Variants in TPD52 observed in about 807,000 individuals in gnomAD.
TPD52 encodes tumor protein D52, also known as prostate and colon associated protein.
A neutral mutation model predicts 31.3 loss-of-function variants in TPD52; 17 were observed. The ratio of observed to expected loss-of-function variants is 0.54; its 90% confidence interval spans 0.37 to 0.82. TPD52 has a LOEUF of 0.82. Among genes scored for constraint, TPD52 ranks in the 40% least tolerant of loss-of-function variants. The pLI is 0.00. For missense variants in TPD52, 212 were observed against 240.1 expected (o/e 0.88, Z 0.77); for synonymous variants, 83 against 89.6 (o/e 0.93, Z 0.42).
At chr8:80,032,704 GA>G (rs1399653272), downstream of TPD52, 3 of 152,310 alleles carry the variant, frequency 2.0e-5, no homozygotes, top group African/African-American at 7.2e-5. Flanking sequence ...GGCACTTAAT[GA>G]ATAGTAGCTA....
At chr8:80,075,201 T>A (rs1814389957) in intron 1 of TPD52, among the ~76,000 whole-genome samples, 1 of 151,948 alleles carries the variant, frequency 6.6e-6, no homozygotes, top group African/African-American at 2.4e-5. Flanking sequence ...ATGGTCTCAA[T>A]CTCCTGACCT....
At chr8:80,090,842 A>T (rs764469143) in intron 1 of TPD52, among the ~76,000 whole-genome samples, 2 of 152,192 alleles carry the variant, frequency 1.3e-5, no homozygotes, top group Non-Finnish European at 2.9e-5. Flanking sequence ...TTTTTAAAGA[A>T]ATCGTTTATT....
intron 2 of TPD52, among the ~76,000 whole-genome samples, chr8:80,053,889 C>T (rs1000128862): frequency 5.3e-5 from 8 of 152,140 alleles, no homozygotes; most frequent in African/African-American, 1.9e-4. Flanking sequence ...CACACACAAC[C>T]AAGCCAAACC....
chr8:80,143,851 G>A (rs1810006992), intron 1 of TPD52, among the ~76,000 whole-genome samples: 1 of 152,118 alleles, frequency 6.6e-6, no homozygotes, highest in African/African-American at 2.4e-5. Context: ...CATCAAAGCA[G>A]ACAAATATGC....
chr8:80,057,979 G>A (rs571268000), intron 2 of TPD52, among the ~76,000 whole-genome samples: 2 of 152,176 alleles, frequency 1.3e-5, no homozygotes, highest in African/African-American at 2.4e-5. Context: ...CACCTGCCCC[G>A]TAAGACTGTT....
intron 1 of TPD52, 97 bp downstream of exon 1, chr8:80,171,328 G>A (rs776211784): frequency 2.0e-6 from 3 of 1,517,040 alleles, no homozygotes; most frequent in African/African-American, 2.8e-5. Flanking sequence ...GCACCTGCTC[G>A]AGCCGCCGGG....
chr8:80,044,987 C>G (rs1190056687), intron 5 of TPD52, among the ~76,000 whole-genome samples: 6 of 152,162 alleles, frequency 3.9e-5, no homozygotes, highest in African/African-American at 1.4e-4. Flanking sequence ...GTCCTCAAAT[C>G]TAATTTTGCA....
downstream of TPD52, among the ~76,000 whole-genome samples, chr8:80,033,556 C>T (rs1340927729): frequency 6.6e-6 from 1 of 152,162 alleles, no homozygotes; most frequent in East Asian, 1.9e-4. Flanking sequence ...TTCTCTCCTG[C>T]AGTCTGGGAG....
At chr8:80,058,915 A>G (rs1051501750) in intron 2 of TPD52, among the ~76,000 whole-genome samples, 1 of 152,248 alleles carries the variant, frequency 6.6e-6, no homozygotes, top group Non-Finnish European at 1.5e-5. Context: ...GAGTAGTACA[A>G]ACAGACAGAA....
intron 1 of TPD52, among the ~76,000 whole-genome samples, chr8:80,109,676 G>A (rs1807374131): frequency 6.6e-6 from 1 of 152,164 alleles, no homozygotes; most frequent in Non-Finnish European, 1.5e-5. Context: ...CAAAGTGCTG[G>A]GATGACAGGT....
intron 1 of TPD52, among the ~76,000 whole-genome samples, chr8:80,122,285 C>A (rs753512340): frequency 6.6e-6 from 1 of 152,082 alleles, no homozygotes; most frequent in East Asian, 1.9e-4. Flanking sequence ...TGAGTAAAAG[C>A]AGAGAGCAGA....
At chr8:80,130,421 T>C (rs930100528) in intron 1 of TPD52, among the ~76,000 whole-genome samples, 1 of 152,202 alleles carries the variant, frequency 6.6e-6, no homozygotes, top group African/African-American at 2.4e-5. Context: ...TTTTTAGCCC[T>C]CTGATTTCTT....
intron 1 of TPD52, among the ~76,000 whole-genome samples, chr8:80,122,390 A>G (rs890305): frequency 0.46 from 70,036 of 151,988 alleles, 16,514 homozygotes; most frequent in East Asian, 0.78. Flanking sequence ...GAGACCCCAT[A>G]GCTGGCTCCT....
At chr8:80,061,526 T>TA (rs1812551057) in intron 2 of TPD52, among the ~76,000 whole-genome samples, 1 of 150,738 alleles carries the variant, frequency 6.6e-6, no homozygotes, top group Admixed American at 6.6e-5. Context: ...TACTGAAAAA[T>TA]AAAAAAATTA....
chr8:80,146,742 G>A (rs1014687533), intron 1 of TPD52, among the ~76,000 whole-genome samples: 3 of 152,180 alleles, frequency 2.0e-5, no homozygotes, highest in African/African-American at 4.8e-5. Flanking sequence ...ACATTTATAT[G>A]TGGGTACACT....
chr8:80,169,874 T>C (rs1811960883), intron 1 of TPD52, among the ~76,000 whole-genome samples: 1 of 152,204 alleles, frequency 6.6e-6, no homozygotes, highest in African/African-American at 2.4e-5. Context: ...GTCATCATGT[T>C]ATCCCACTCA....
chr8:80,161,316 T>C (rs1276355272), intron 1 of TPD52, among the ~76,000 whole-genome samples: 1 of 152,262 alleles, frequency 6.6e-6, no homozygotes, highest in African/African-American at 2.4e-5. Flanking sequence ...TAAGCATATT[T>C]AGAACATATA....
At chr8:80,080,230 A>G (rs1478759109) in intron 1 of TPD52, 1 of 1,269,496 alleles carries the variant, frequency 7.9e-7, no homozygotes, top group Non-Finnish European at 1.1e-6. Context: ...ACATCTTTAC[A>G]CTAACAATTT....
intron 1 of TPD52, among the ~76,000 whole-genome samples, chr8:80,169,359 C>A (rs1387224219): frequency 6.6e-6 from 1 of 152,154 alleles, no homozygotes; most frequent in Non-Finnish European, 1.5e-5. Flanking sequence ...TTCTTTCATT[C>A]GGAGCAGAGT....
Sources: gnomAD v4.1 joint callset for allele counts (sites outside exome capture counted in the v4.1 genomes callset) on GRCh38, gnomAD v4.1.1 for gene constraint, MANE v1.5 for transcripts, NCBI Gene and HGNC (gene_info 2026-07-23, HGNC 2026-07-21) for gene names.